The following ARHGAP21 variants were observed in gnomAD, a reference collection of about 807,000 sequenced individuals.
The protein encoded by ARHGAP21 is rho GTPase-activating protein 21.
Under a neutral mutation model 164.6 loss-of-function variants are expected in ARHGAP21, and 38 were observed. The observed-to-expected ratio is 0.23, with a 90% CI of 0.18 to 0.30. ARHGAP21 has a LOEUF of 0.30. ARHGAP21 is among the 10% of genes least tolerant of loss of function. The probability of loss-of-function intolerance (pLI) is 1.00; values close to 1 mark genes in which losing one functional copy is unlikely to be tolerated. For missense variants in ARHGAP21, 1,822 were observed against 2,370.7 expected (o/e 0.77, Z 4.81); for synonymous variants, 766 against 857.9 (o/e 0.89, Z 1.87).
intron 4 of ARHGAP21, among the ~76,000 whole-genome samples, chr10:24,643,598 G>A (rs1837290145): frequency 6.6e-6 from 1 of 152,148 alleles, no homozygotes; most frequent in African/African-American, 2.4e-5. Flanking sequence ...ATTACCCGTG[G>A]ATCAGTATTT....
At chr10:24,612,787 A>G (rs372882449) in intron 9 of ARHGAP21, among the ~76,000 whole-genome samples, 11 of 152,264 alleles carry the variant, frequency 7.2e-5, no homozygotes, top group East Asian at 5.8e-4. Context: ...CCCGGGAGGC[A>G]GAGCTTGCAG....
At chr10:24,624,678 T>C (rs1240545725) in intron 7 of ARHGAP21, among the ~76,000 whole-genome samples, 11 of 151,976 alleles carry the variant, frequency 7.2e-5, no homozygotes, top group African/African-American at 2.4e-4. Flanking sequence ...TATTCAAATT[T>C]GGGGAGGAAT....
In ARHGAP21 at chr10:24,721,919, A is replaced by G. The variant is rs1845980281; in HGVS notation, c.-20T>C. ...CATCATTTCATTTCAAATGACAAAG[A>G]AGGGACAAATCCTTTGGAGTCCACA... On this transcript the variant is annotated 5_prime_UTR_variant, in exon 2 of 26. Transcript: ENST00000396432. 6.2e-7 allele frequency: 1 copy of G among 1,613,734 alleles called. No homozygotes were observed. Among genetic ancestry groups the G allele is most frequent in the African/African-American group, 1.3e-5 (1 of 74,946 alleles).
At chr10:24,699,450 G>A (rs1353053642) in intron 2 of ARHGAP21, among the ~76,000 whole-genome samples, 2 of 151,804 alleles carry the variant, frequency 1.3e-5, no homozygotes, top group Non-Finnish European at 1.5e-5. Context: ...TCAGCCTCCC[G>A]AGTAGGTGGG....
chr10:24,711,963 G>C (rs1254375902), intron 2 of ARHGAP21, among the ~76,000 whole-genome samples: 1 of 152,030 alleles, frequency 6.6e-6, no homozygotes, highest in African/African-American at 2.4e-5. Context: ...ACCCAGTCTG[G>C]AGTGCAGTGG....
Position 24,592,026 on chromosome 10 carries a change from T to TGATAC in ARHGAP21, c.3877-19_3877-15dup. On this transcript the variant is annotated splice_polypyrimidine_tract_variant and intron_variant, in intron 21 of 25. Transcript: ENST00000396432. ...TCTTGGTTCCATCTGAAAGAAAGGATGATACTGGGAAATACCAGAATTTTT... is the reference window on the plus strand; with the variant it reads ...TCTTGGTTCCATCTGAAAGAAAGGATGATACGATACTGGGAAATACCAGAATTTTT... 1 of 1,572,980 alleles carries TGATAC rather than the reference T, an allele frequency of 6.4e-7. No individual in the cohort carries two copies. The highest frequency in any genetic ancestry group is 8.6e-7 in the Non-Finnish European group (1 of 1,160,612).
chr10:24,698,130 A>G (rs1843343490), intron 2 of ARHGAP21, among the ~76,000 whole-genome samples: 1 of 152,158 alleles, frequency 6.6e-6, no homozygotes, highest in African/African-American at 2.4e-5. Flanking sequence ...TTAAATTGAA[A>G]GTCACTATGA....
intron 2 of ARHGAP21, among the ~76,000 whole-genome samples, chr10:24,695,039 A>G (rs1843035449): frequency 1.1e-5 from 1 of 95,088 alleles, no homozygotes; most frequent in Non-Finnish European, 2.0e-5. Context: ...TAACAGAGCA[A>G]AATTCCATCT....
chr10:24,629,650 AG>A, intron 7 of ARHGAP21: 1 of 213,072 alleles, frequency 4.7e-6, no homozygotes. Context: ...AAAAAAAAAA[AG>A]ATTCTAATTC....
chr10:24,622,837 T>C lies in ARHGAP21; in HGVS notation c.496-75A>G, dbSNP rs907909152. 29 of 1,468,076 alleles carry C rather than the reference T, an allele frequency of 2.0e-5. No homozygotes were observed. The African/African-American group carries it at 3.5e-4, about 18-fold the overall frequency. 90.9% of individuals were successfully genotyped at this position (1,468,076 alleles called of 1,614,324 possible). On this transcript the variant is annotated intron_variant, in intron 7 of 25. Coordinates refer to ENST00000396432, the MANE Select transcript of ARHGAP21 (RefSeq NM_020824.4). ...CAAAATCATGTTGTCATATTGATGC[T>C]GGAAACGGCAAGCTAAAAATACATC...
At chr10:24,655,903 G>A (rs1490324700) in intron 4 of ARHGAP21, among the ~76,000 whole-genome samples, 7 of 120,094 alleles carry the variant, frequency 5.8e-5, no homozygotes, top group Admixed American at 1.6e-4. Flanking sequence ...CTGCCCGGCC[G>A]AGACCCCGTC....
At chr10:24,715,951 G>GT (rs1845334875) in intron 2 of ARHGAP21, among the ~76,000 whole-genome samples, 1 of 152,240 alleles carries the variant, frequency 6.6e-6, no homozygotes, top group Non-Finnish European at 1.5e-5. Flanking sequence ...GGAGGTTGCT[G>GT]TGAGCGCAGA....
intron 25 of ARHGAP21, among the ~76,000 whole-genome samples, chr10:24,588,513 GAATTAT>G (rs1243136176): frequency 6.6e-6 from 1 of 151,850 alleles, no homozygotes; most frequent in Non-Finnish European, 1.5e-5. Context: ...ATTTTTGTAA[GAATTAT>G]AATTTAATCA....
intron 2 of ARHGAP21, among the ~76,000 whole-genome samples, chr10:24,682,914 T>G (rs1412623605): frequency 6.6e-6 from 1 of 151,704 alleles, no homozygotes; most frequent in Non-Finnish European, 1.5e-5. Flanking sequence ...GCTAACACAG[T>G]GAAACCCCCG....
At chr10:24,604,260 A>G (rs1448486013) in intron 12 of ARHGAP21, 52 bp downstream of exon 12, 4 of 1,246,346 alleles carry the variant, frequency 3.2e-6, no homozygotes, top group Non-Finnish European at 3.3e-6. Context: ...TAAAAGAAGT[A>G]CTTCTCTATG....
In ARHGAP21 at chr10:24,635,046, T is replaced by G; in HGVS notation, c.326A>C (p.Glu109Ala). 1 of 1,602,486 alleles carries G rather than the reference T, an allele frequency of 6.2e-7. No individual in the cohort carries two copies. Among genetic ancestry groups the G allele is most frequent in the Non-Finnish European group, 8.5e-7 (1 of 1,175,752 alleles). Reference sequence around the variant, plus strand: ...TCCAGCTTCAAAAGCAGGTCCTCCTTCTTTAACTTGCTTAACAAATATGGT... The same window carrying G: ...TCCAGCTTCAAAAGCAGGTCCTCCTGCTTTAACTTGCTTAACAAATATGGT... ...MDTIFVKQVK[E>A]GGPAFEAGLC... Residue 109 changes from glutamate to alanine, a missense_variant, in exon 5 of 26, where the codon GAA becomes GCA. Coordinates refer to ENST00000396432, the MANE Select transcript of ARHGAP21 (RefSeq NM_020824.4).
At chr10:24,678,694 T>C (rs561064109) in intron 2 of ARHGAP21, among the ~76,000 whole-genome samples, 1 of 152,152 alleles carries the variant, frequency 6.6e-6, no homozygotes, top group East Asian at 1.9e-4. Flanking sequence ...GGGTTTTTGT[T>C]TGTTTGTTTG....
At chr10:24,622,962 T>G (rs1475756657) in intron 7 of ARHGAP21, 200 bp from the exon 8 acceptor site, 1 of 512,178 alleles carries the variant, frequency 2.0e-6, no homozygotes, top group Non-Finnish European at 3.4e-6. Context: ...CAGGCTTTTA[T>G]CTGATTCTTG....
chr10:24,616,366 G>A (rs1042813646), intron 9 of ARHGAP21, among the ~76,000 whole-genome samples: 1 of 152,198 alleles, frequency 6.6e-6, no homozygotes, highest in Non-Finnish European at 1.5e-5. Flanking sequence ...ACTGAGCCCA[G>A]AGCTCCCAAA....
Sources: gnomAD v4.1 joint callset for allele counts (sites outside exome capture counted in the v4.1 genomes callset) on GRCh38, gnomAD v4.1.1 for gene constraint, MANE v1.5 for transcripts, NCBI Gene and HGNC (gene_info 2026-07-23, HGNC 2026-07-21) for gene names.